PCDH12: variants seen among roughly 807,000 people sequenced by gnomAD.
PCDH12 encodes protocadherin 12.
PCDH12 carries 45 observed loss-of-function variants against 70.9 expected under a neutral mutation model. That is an observed-to-expected ratio of 0.63 (90% CI 0.50 to 0.81). PCDH12 has a LOEUF of 0.81. Among genes scored for constraint, PCDH12 ranks in the 40% least tolerant of loss-of-function variants. The pLI is 0.00. For missense variants in PCDH12, 1,370 were observed against 1,491.7 expected (o/e 0.92, Z 1.34); for synonymous variants, 567 against 626.0 (o/e 0.91, Z 1.41).
Position 141,956,959 on chromosome 5 carries a change from T to C in PCDH12, c.893A>G (p.Asp298Gly). 1 of 1,614,208 alleles carries C rather than the reference T, an allele frequency of 6.2e-7. No homozygotes were observed. Among genetic ancestry groups the C allele is most frequent in the South Asian group, 1.1e-5 (1 of 91,088 alleles). The change falls in exon 1 of 4, where the codon GAT becomes GGT. Residue 298 changes from aspartate (D) to glycine (G), a missense_variant. Asp to Gly is a moderately conservative substitution (Grantham distance 94). Transcript: ENST00000231484. ...CAGAATGACCTGGCCTGTCTTGGCA[T>C]CAATACTGAAGGTGTCCAGCACCTC... is the stretch of plus-strand genomic sequence containing the variant. ...PPEVLDTFSI[D>G]AKTGQVILRR... is the part of the protein sequence containing the mutation.
Position 141,955,305 on chromosome 5 carries a change from AAGG to A in PCDH12, c.2544_2546del (p.Leu849del), listed in dbSNP as rs1753159091. 1 of 1,614,156 alleles carries A rather than the reference AAGG, an allele frequency of 6.2e-7. No individual in the cohort carries two copies. Among genetic ancestry groups the A allele is most frequent in the East Asian group, 2.2e-5 (1 of 44,868 alleles). ...CATTCCTCTGCCTGGGATGGTTGAAAAGGAGGTTGACCGTGTCTTGCAGCACCT... is the reference window on the plus strand; with the variant it reads ...CATTCCTCTGCCTGGGATGGTTGAAAAGGTTGACCGTGTCTTGCAGCACCT... On this transcript the variant is annotated inframe_deletion, in exon 1 of 4. Transcript: ENST00000231484. The surrounding 1 kb of genome is among the most constrained non-coding windows in gnomAD (Gnocchi z 5.5).
intron 1 of PCDH12, chr5:141,952,538 G>C (rs1299402419): frequency 6.6e-6 from 1 of 152,264 alleles, no homozygotes; most frequent in Non-Finnish European, 1.5e-5. Context: ...TAGAGTTTCA[G>C]AAAGACTGGA....
rs559279874 is a variant in PCDH12, at chr5:141,958,201, A to G, written c.-350T>C. 14 of 232,520 alleles carry G rather than the reference A, an allele frequency of 6.0e-5. No homozygotes were observed. The South Asian group carries it at 1.5e-3, about 26-fold the overall frequency. The allele number at this position is 232,520 out of a possible 1,614,324, so 14.4% of individuals were successfully genotyped here. A position where few individuals can be genotyped will look rare whatever the true frequency, so the allele number is the denominator to read the frequency against. On this transcript the variant is annotated 5_prime_UTR_variant, in exon 1 of 4. Transcript: ENST00000231484. ...GGACTCTGACTGCCAAACAGTTGCT[A>G]GGCTGGGGAAACAGAGAAGCAGCTT... is the stretch of plus-strand genomic sequence containing the variant.
intron 3 of PCDH12, among the ~76,000 whole-genome samples, chr5:141,946,895 A>T (rs1752947338): frequency 1.1e-5 from 1 of 93,918 alleles, no homozygotes; most frequent in Non-Finnish European, 2.0e-5. Flanking sequence ...ACAGTGTCTT[A>T]AAAAAATTAA....
rs1358467489 is a variant in PCDH12, at chr5:141,949,504, C to T, written c.3058G>A (p.Asp1020Asn). 1.9e-6 allele frequency: 3 copies of T among 1,614,042 alleles called. No individual in the cohort carries two copies. Among genetic ancestry groups the T allele is most frequent in the Non-Finnish European group, 1.7e-6 (2 of 1,180,024 alleles). The part of the protein sequence containing the change: ...TDPEQEEGPL[D>N]PEEDLSVKQL... ...TTCACAGAGAGGTCCTCTTCAGGAT[C>T]CAAAGGCCCTTCCTCCTGTTCTGGG... The change falls in exon 3 of 4, where the codon GAT (aspartate) becomes AAT (asparagine). Residue 1020 changes from aspartate to asparagine, a missense_variant. Coordinates refer to ENST00000231484, the MANE Select transcript of PCDH12 (RefSeq NM_016580.4).
chr5:141,954,866 G>A, intron 1 of PCDH12, 106 bp downstream of exon 1: 29 of 1,404,242 alleles, frequency 2.1e-5, no homozygotes, highest in Non-Finnish European at 2.8e-5. Context: ...AGTGCCAGGT[G>A]AGCCTAAGGA....
At position 141,957,022 on chromosome 5, in the gene PCDH12, C is replaced by G. The variant is rs909736018; in HGVS notation, c.830G>C (p.Gly277Ala). ...CTTACTGAGGAAGAACTCCACCTCCCCATTGGGGCCTTGGTCAGGGTCTGT... is the reference window on the plus strand; with the variant it reads ...CTTACTGAGGAAGAACTCCACCTCCGCATTGGGGCCTTGGTCAGGGTCTGT... ...TATDPDQGPNGEVEFFLSKHM... is the reference protein window; with the variant it reads ...TATDPDQGPNAEVEFFLSKHM... The change falls in exon 1 of 4, where the codon GGG becomes GCG. Residue 277 changes from glycine to alanine, a missense_variant. By Grantham distance (60) the Gly-to-Ala change is moderately conservative (BLOSUM62 0). Coordinates refer to ENST00000231484, the MANE Select transcript of PCDH12 (RefSeq NM_016580.4). The surrounding 1 kb of genome is among the most constrained non-coding windows in gnomAD (Gnocchi z 4.3). The G allele has an allele frequency of 1.2e-6, 2 of 1,614,042 alleles. No homozygotes were observed. The highest frequency in any genetic ancestry group is 1.7e-5 in the Admixed American group (1 of 60,002).
At chr5:141,953,690 A>G (rs1360573112) in intron 1 of PCDH12, among the ~76,000 whole-genome samples, 3 of 152,228 alleles carry the variant, frequency 2.0e-5, no homozygotes, top group Non-Finnish European at 4.4e-5. Context: ...CACAGAGTTT[A>G]TCCAAAAAGC....
chr5:141,950,553 C>A (rs1341697326), intron 2 of PCDH12, among the ~76,000 whole-genome samples: 1 of 152,146 alleles, frequency 6.6e-6, no homozygotes, highest in Non-Finnish European at 1.5e-5. Flanking sequence ...AAAACCAAGA[C>A]TTGTGAAGAT....
In PCDH12 at chr5:141,957,348, G is replaced by C. The variant is rs753745732; in HGVS notation, c.504C>G (p.Thr168=). The C allele has an allele frequency of 2.0e-5, 33 of 1,613,684 alleles. No homozygotes were observed. Among genetic ancestry groups the C allele is most frequent in the Non-Finnish European group, 2.5e-5 (30 of 1,179,842 alleles). The change falls in exon 1 of 4, where the codon ACC becomes ACG. Residue 168 remains threonine (T), a synonymous_variant. Transcript: ENST00000231484. This position sits in a 1 kb window ranked among gnomAD's most constrained non-coding sequence, Gnocchi z 4.3. The part of the protein sequence containing the change: ...RALDPDTGPN[T]LHTYTLSPSE... ...TGGGAGACAGAGTGTAGGTGTGCAG[G>C]GTGTTAGGGCCTGTGTCTGGGTCAA...
chr5:141,953,381 C>T (rs1007560396), intron 1 of PCDH12: 2 of 152,134 alleles, frequency 1.3e-5, no homozygotes, highest in East Asian at 1.9e-4. Context: ...AGTGATTGTC[C>T]AGTGGTGTAT....
At chr5:141,949,293 G>T (rs1167824261) in intron 3 of PCDH12, 139 bp downstream of exon 3, 1 of 1,486,676 alleles carries the variant, frequency 6.7e-7, no homozygotes, top group African/African-American at 1.4e-5. Flanking sequence ...GGCTGCAAGG[G>T]TGCAAGGGAA....
At chr5:141,949,183 T>C (rs1381576527) in intron 3 of PCDH12, 2 of 302,682 alleles carry the variant, frequency 6.6e-6, no homozygotes, top group South Asian at 2.6e-4. Flanking sequence ...GTGATCATGC[T>C]GTGATCATGC....
At chr5:141,946,585 C>T (rs549580493) in intron 3 of PCDH12, among the ~76,000 whole-genome samples, 4 of 152,308 alleles carry the variant, frequency 2.6e-5, no homozygotes, top group Admixed American at 6.5e-5. Flanking sequence ...TACCACCTGG[C>T]CCCAGATCCT....
Position 141,956,898 on chromosome 5 carries a change from G to T in PCDH12, c.954C>A (p.Tyr318Ter), listed in dbSNP as rs148884293. ...RPLDYEKNPAYEVDVQARDLG... is the reference protein window; with the variant it reads ...RPLDYEKNPA Reference sequence around the variant, plus strand: ...GGTCCCTTGCCTGAACATCCACCTCGTAGGCAGGGTTCTTTTCATAGTCTA... The same window carrying T: ...GGTCCCTTGCCTGAACATCCACCTCTTAGGCAGGGTTCTTTTCATAGTCTA... The change falls in exon 1 of 4, where the codon TAC becomes TAA. Residue 318 changes from tyrosine to a stop codon, truncating the protein, a stop_gained. Coordinates refer to ENST00000231484, the MANE Select transcript of PCDH12 (RefSeq NM_016580.4). LOFTEE classifies it high-confidence loss of function. The T allele has an allele frequency of 1.1e-4, 182 of 1,614,048 alleles. No homozygotes were observed. The highest frequency in any genetic ancestry group is 1.5e-4 in the Non-Finnish European group (179 of 1,180,014).
At chr5:141,948,135 A>G (rs372327454) in intron 3 of PCDH12, among the ~76,000 whole-genome samples, 11 of 152,178 alleles carry the variant, frequency 7.2e-5, no homozygotes, top group Admixed American at 5.9e-4. Context: ...TTACAGCCAC[A>G]CTGCCTGTGT....
At position 141,957,909 on chromosome 5, in the gene PCDH12, A is replaced by T; in HGVS notation, c.-58T>A. 4 of 1,547,824 alleles carry T rather than the reference A, an allele frequency of 2.6e-6. No homozygotes were observed. The South Asian group carries it at 4.9e-5, about 19-fold the overall frequency. On this transcript the variant is annotated 5_prime_UTR_variant, in exon 1 of 4. In the 5' UTR this introduces an upstream ATG that the reference lacks. Transcript: ENST00000231484. This position sits in a 1 kb window ranked among gnomAD's most constrained non-coding sequence, Gnocchi z 4.3. ...ACTAGAGTTCTTTCAAGGCTGGACAAGTCCTCCAGTGTTTCCTGGATGGCT... is the reference window on the plus strand; with the variant it reads ...ACTAGAGTTCTTTCAAGGCTGGACATGTCCTCCAGTGTTTCCTGGATGGCT...
Position 141,957,714 on chromosome 5 carries a change from G to A in PCDH12, c.138C>T (p.Ile46=), listed in dbSNP as rs144137657. 3.7e-6 allele frequency: 6 copies of A among 1,614,024 alleles called. No individual in the cohort carries two copies. The highest frequency in any genetic ancestry group is 1.3e-5 in the African/African-American group (1 of 75,026). Residue 46 remains isoleucine (I), a synonymous_variant, in exon 1 of 4, where the codon ATC becomes ATT. Coordinates refer to ENST00000231484, the MANE Select transcript of PCDH12 (RefSeq NM_016580.4). This position sits in a 1 kb window ranked among gnomAD's most constrained non-coding sequence, Gnocchi z 4.3. ...GGCCCAGTTCCTGGGACAGCTTCCC[G>A]ATCACTGTACCAGATGGCACTTCCT... ...VSEEVPSGTV[I]GKLSQELGRE... is the part of the protein sequence containing the mutation.
At position 141,945,168 on chromosome 5, in the gene PCDH12, G is replaced by A; in HGVS notation, c.*213C>T. 1.6e-6 allele frequency: 1 copy of A among 637,730 alleles called. No individual in the cohort carries two copies. Among genetic ancestry groups the A allele is most frequent in the South Asian group, 2.0e-5 (1 of 50,320 alleles). 39.5% of individuals were successfully genotyped at this position (637,730 alleles called of 1,614,324 possible). A position where few individuals can be genotyped will look rare whatever the true frequency, so the allele number is the denominator to read the frequency against. On this transcript the variant is annotated 3_prime_UTR_variant, in exon 4 of 4. Transcript: ENST00000231484. ...CTTATCTCAGCCACAAACCGTCCCT[G>A]TCCTCCAAAAGACTCAGAGCTGCTT...
Sources: allele counts gnomAD v4.1 joint callset (sites outside exome capture counted in the v4.1 genomes callset), GRCh38; gene constraint gnomAD v4.1.1; non-coding constraint Gnocchi (gnomAD v3.1); transcripts MANE v1.5; gene names NCBI Gene and HGNC (gene_info 2026-07-23, HGNC 2026-07-21).